Variants in CTTNBP2NL observed in about 807,000 individuals in gnomAD.
The protein encoded by CTTNBP2NL is CTTNBP2 N-terminal like, also known as CTTNBP2 N-terminal-like protein.
In CTTNBP2NL, 16 loss-of-function variants were observed where a neutral mutation model predicts 32.5. The ratio of observed to expected loss-of-function variants is 0.49; its 90% CI spans 0.33 to 0.75. CTTNBP2NL has a LOEUF of 0.75. CTTNBP2NL is among the 30% of genes least tolerant of loss of function. CTTNBP2NL has a pLI of 0.02. For missense variants in CTTNBP2NL, 645 were observed against 756.0 expected (o/e 0.85, Z 1.72); for synonymous variants, 298 against 289.4 (o/e 1.03, Z -0.30).
chr1:112,400,459 G>A (rs866351780), intron 1 of CTTNBP2NL, among the ~76,000 whole-genome samples: 11 of 152,156 alleles, frequency 7.2e-5, no homozygotes, highest in Admixed American at 5.2e-4. Context: ...CCAGGAGCTC[G>A]AGACCAGCCT....
chr1:112,439,085 G>A (rs1311099231), intron 3 of CTTNBP2NL, among the ~76,000 whole-genome samples: 1 of 152,122 alleles, frequency 6.6e-6, no homozygotes, highest in Non-Finnish European at 1.5e-5. Flanking sequence ...TTGTGACATA[G>A]GGCTTGTTCT....
intron 3 of CTTNBP2NL, among the ~76,000 whole-genome samples, chr1:112,445,209 G>C (rs1265944545): frequency 6.6e-6 from 1 of 152,096 alleles, no homozygotes; most frequent in Non-Finnish European, 1.5e-5. Flanking sequence ...GAGACCCTGA[G>C]CCAGAACCAC....
upstream of CTTNBP2NL, among the ~76,000 whole-genome samples, chr1:112,391,633 T>C (rs1183055693): frequency 1.3e-5 from 2 of 152,098 alleles, no homozygotes; most frequent in Non-Finnish European, 2.9e-5. Flanking sequence ...TGCCCATAGC[T>C]CTCCTCCTAG....
intron 3 of CTTNBP2NL, among the ~76,000 whole-genome samples, chr1:112,421,316 T>TTC (rs1244371681): frequency 1.4e-5 from 2 of 147,168 alleles, no homozygotes; most frequent in African/African-American, 5.0e-5. Context: ...TTTTCTTTTT[T>TTC]TTTTTTTTTT....
intron 4 of CTTNBP2NL, among the ~76,000 whole-genome samples, chr1:112,451,873 C>T (rs1411576088): frequency 6.6e-6 from 1 of 152,108 alleles, no homozygotes. Context: ...GTACCTGCCA[C>T]CTCCAGGTTC....
At chr1:112,437,452 T>C (rs934051347) in intron 3 of CTTNBP2NL, among the ~76,000 whole-genome samples, 6 of 152,370 alleles carry the variant, frequency 3.9e-5, no homozygotes, top group Admixed American at 3.9e-4. Context: ...TCTATTCATG[T>C]CCTTTGCCCA....
Position 112,458,372 on chromosome 1 carries a change from C to T in CTTNBP2NL, c.*960C>T, listed in dbSNP as rs979211661. 2 of 152,718 alleles carry T rather than the reference C, an allele frequency of 1.3e-5. No individual in the cohort carries two copies. The highest frequency in any genetic ancestry group is 3.9e-4 in the East Asian group (2 of 5,186). The allele number at this position is 152,718 out of a possible 1,614,324, so 9.5% of individuals were successfully genotyped here. On this transcript the variant is annotated 3_prime_UTR_variant, in exon 6 of 6. Coordinates refer to ENST00000271277, the MANE Select transcript of CTTNBP2NL (RefSeq NM_018704.3). The stretch of plus-strand genomic sequence containing the variant: ...TTACCAAATTGTTACACTTATTCTC[C>T]AAGCTGCCAGAACCTGGTATCTGTA...
At chr1:112,439,196 C>G (rs145657868) in intron 3 of CTTNBP2NL, among the ~76,000 whole-genome samples, 1 of 143,496 alleles carries the variant, frequency 7.0e-6, no homozygotes, top group African/African-American at 2.4e-5. Flanking sequence ...GCATCCTGCT[C>G]TCACCATGGT....
At chr1:112,404,785 C>T (rs1648609458) in intron 1 of CTTNBP2NL, among the ~76,000 whole-genome samples, 1 of 152,194 alleles carries the variant, frequency 6.6e-6, no homozygotes, top group African/African-American at 2.4e-5. Context: ...GGTGCAGTGG[C>T]TCACGCCTGT....
intron 1 of CTTNBP2NL, among the ~76,000 whole-genome samples, chr1:112,400,600 C>CT (rs1648468637): frequency 6.6e-6 from 1 of 152,156 alleles, no homozygotes; most frequent in Non-Finnish European, 1.5e-5. Flanking sequence ...TGAGACCAGC[C>CT]TGACCAACAT....
chr1:112,431,147 C>G (rs1348345685), intron 3 of CTTNBP2NL, among the ~76,000 whole-genome samples: 1 of 152,124 alleles, frequency 6.6e-6, no homozygotes, highest in Non-Finnish European at 1.5e-5. Context: ...CCAGCAGTTA[C>G]GGAGGGGCTT....
At chr1:112,441,448 G>A (rs949243693) in intron 3 of CTTNBP2NL, among the ~76,000 whole-genome samples, 1 of 152,032 alleles carries the variant, frequency 6.6e-6, no homozygotes, top group Non-Finnish European at 1.5e-5. Context: ...TTATTCTCCT[G>A]TTGATTGATA....
intron 1 of CTTNBP2NL, among the ~76,000 whole-genome samples, chr1:112,398,158 G>A (rs1269519932): frequency 6.6e-6 from 1 of 152,146 alleles, no homozygotes; most frequent in Non-Finnish European, 1.5e-5. Context: ...AATAAACTAA[G>A]GTAAGAGACT....
chr1:112,396,169 G>C (rs901204401), upstream of CTTNBP2NL: 2 of 152,324 alleles, frequency 1.3e-5, no homozygotes, highest in Non-Finnish European at 2.9e-5. Context: ...ATTGGCGCTG[G>C]TGAATGCCAA....
At chr1:112,449,216 A>G (rs1650145783) in intron 4 of CTTNBP2NL, 44 bp downstream of exon 4, 2 of 1,147,316 alleles carry the variant, frequency 1.7e-6, no homozygotes, top group Non-Finnish European at 2.6e-6. Flanking sequence ...TGAAGTCTTT[A>G]TAAATTATGC....
chr1:112,394,992 T>TA (rs1373288562), upstream of CTTNBP2NL, among the ~76,000 whole-genome samples: 1 of 152,236 alleles, frequency 6.6e-6, no homozygotes. Flanking sequence ...GATAACATGA[T>TA]AAATACTTGT....
At position 112,433,164 on chromosome 1, in the gene CTTNBP2NL, A is replaced by C. The variant is rs773959365; in HGVS notation, c.100-15778A>C. Among the ~76,000 whole-genome samples the C allele has an allele frequency of 2.0e-5, 3 of 152,156 alleles. 1 individual carries two copies. Among genetic ancestry groups the C allele is most frequent in the South Asian group, 4.1e-4 (2 of 4,826 alleles). On this transcript the variant is annotated intron_variant, in intron 3 of 5. Transcript: ENST00000271277. Reference sequence around the variant, plus strand: ...AAAATCTACTATAGCACTTTTCATAACTGTATTGAAATAGCATTGTCTCTT... The same window carrying C: ...AAAATCTACTATAGCACTTTTCATACCTGTATTGAAATAGCATTGTCTCTT...
At chr1:112,414,658 C>G (rs1649005425) in intron 2 of CTTNBP2NL, 1 of 152,092 alleles carries the variant, frequency 6.6e-6, no homozygotes. Context: ...AATATTTGTT[C>G]TACTTTGGAA....
At chr1:112,452,604 A>T (rs894830577) in intron 4 of CTTNBP2NL, among the ~76,000 whole-genome samples, 1 of 148,642 alleles carries the variant, frequency 6.7e-6, no homozygotes, top group African/African-American at 2.5e-5. Flanking sequence ...TTGGCCTCCC[A>T]AAGTGCTGAG....
Sources: allele counts gnomAD v4.1 joint callset (sites outside exome capture counted in the v4.1 genomes callset), GRCh38; gene constraint gnomAD v4.1.1; transcripts MANE v1.5; gene names NCBI Gene and HGNC (gene_info 2026-07-23, HGNC 2026-07-21).